Variants in CARD10 observed in about 807,000 individuals in gnomAD.
The protein encoded by CARD10 is caspase recruitment domain family member 10.
A neutral mutation model predicts 114.6 loss-of-function variants in CARD10; 49 were observed. That is an observed-to-expected ratio of 0.43 (90% CI 0.34 to 0.54). CARD10 has a LOEUF of 0.54. Among genes scored for constraint, CARD10 ranks in the 20% least tolerant of loss-of-function variants. The pLI, the probability that CARD10 is intolerant of heterozygous loss-of-function variation, is 0.03. For missense variants in CARD10, 1,206 were observed against 1,397.2 expected (o/e 0.86, Z 2.18); for synonymous variants, 602 against 593.2 (o/e 1.01, Z -0.21).
rs774117658 is a variant in CARD10, at chr22:37,492,367, A to G, written c.2751+68T>C. ...GCCCGCGCTCAGACGCTGGCGCTCA[A>G]GCCCAGAACAGCAGCACCCGCTCTG... On this transcript the variant is annotated intron_variant, in intron 18 of 19. Coordinates refer to ENST00000251973, the MANE Select transcript of CARD10 (RefSeq NM_014550.4). The surrounding 1 kb of genome is among the most constrained non-coding windows in gnomAD (Gnocchi z 5.7). 14 of 1,213,454 alleles carry G rather than the reference A, an allele frequency of 1.2e-5. No individual in the cohort carries two copies. Among genetic ancestry groups the G allele is most frequent in the Non-Finnish European group, 1.6e-5 (14 of 874,368 alleles). The allele number at this position is 1,213,454 out of a possible 1,614,324, so 75.2% of individuals were successfully genotyped here. A position where few individuals can be genotyped will look rare whatever the true frequency, so the allele number is the denominator to read the frequency against.
intron 9 of CARD10, among the ~76,000 whole-genome samples, 158 bp from the exon 10 acceptor site, chr22:37,503,371 C>T (rs994624558): frequency 6.6e-6 from 1 of 152,180 alleles, no homozygotes. Context: ...GGCACCCATG[C>T]CACCTGGCTC....
At chr22:37,499,778 G>A (rs1437073412) in intron 11 of CARD10, among the ~76,000 whole-genome samples, 3 of 152,138 alleles carry the variant, frequency 2.0e-5, no homozygotes, top group South Asian at 2.1e-4. Flanking sequence ...GCCCAGAGCA[G>A]GGTCCAGATA....
At position 37,519,158 on chromosome 22, in the gene CARD10, C is replaced by T. The variant is rs925303442; in HGVS notation, c.43G>A (p.Gly15Arg). 3.9e-6 allele frequency: 6 copies of T among 1,540,690 alleles called. No individual in the cohort carries two copies. The highest frequency in any genetic ancestry group is 1.9e-5 in the Admixed American group (1 of 52,026). ...TCCGCCTCAGACCCCGAGCCGGCCCCGGCCTCCTCCTCGGCCTCCCCCGCC... is the reference window on the plus strand; with the variant it reads ...TCCGCCTCAGACCCCGAGCCGGCCCTGGCCTCCTCCTCGGCCTCCCCCGCC... The part of the protein sequence containing the change: ...AEAGEAEEEA[G>R]AGSGSEAEED... Residue 15 changes from glycine to arginine, a missense_variant, in exon 1 of 20, where the codon GGG becomes AGG. Physicochemically the swap from Gly to Arg is moderately radical, Grantham distance 125. This residue lies in a region of CARD10 where 138 missense variants were observed against 218.0 expected (regional missense o/e 0.63). Transcript: ENST00000251973. This position sits in a 1 kb window ranked among gnomAD's most constrained non-coding sequence, Gnocchi z 4.1.
At chr22:37,511,668 G>A (rs1180987290) in intron 3 of CARD10, among the ~76,000 whole-genome samples, 1 of 151,860 alleles carries the variant, frequency 6.6e-6, no homozygotes, top group African/African-American at 2.4e-5. Context: ...GGAGAGGAGA[G>A]GGCAATGGTT....
chr22:37,491,810 T>A lies in CARD10; in HGVS notation c.2809A>T (p.Ile937Phe). Residue 937 changes from isoleucine to phenylalanine, a missense_variant, in exon 19 of 20, where the codon ATC becomes TTC. Ile to Phe is a conservative substitution (Grantham distance 21). Around this residue, in one of 2 missense-constraint regions of CARD10, gnomAD observed 1,068 missense variants for 1,179.1 expected, o/e 0.91. Coordinates refer to ENST00000251973, the MANE Select transcript of CARD10 (RefSeq NM_014550.4). ...RGVRELVQNE[I>F]YPIVIHVEVT... ...TCCACGTGGATGACGATGGGGTAGA[T>A]CTCGTTCTGCACCAGCTCCCGCACA... 2 of 1,604,158 alleles carry A rather than the reference T, an allele frequency of 1.2e-6. No individual in the cohort carries two copies. The highest frequency in any genetic ancestry group is 1.7e-6 in the Non-Finnish European group (2 of 1,177,098).
chr22:37,500,662 G>A (rs960787641), intron 11 of CARD10, among the ~76,000 whole-genome samples: 1 of 152,200 alleles, frequency 6.6e-6, no homozygotes, highest in Non-Finnish European at 1.5e-5. Flanking sequence ...TCCAACAGCT[G>A]AGACAGTGGG....
intron 11 of CARD10, among the ~76,000 whole-genome samples, chr22:37,498,916 G>A (rs949713804): frequency 3.7e-4 from 48 of 130,780 alleles, no homozygotes; most frequent in Non-Finnish European, 5.5e-4. Flanking sequence ...GGGGGGGGGG[G>A]GCACATGAAT....
intron 16 of CARD10, among the ~76,000 whole-genome samples, chr22:37,493,850 G>C (rs991042445): frequency 9.8e-5 from 15 of 152,306 alleles, no homozygotes; most frequent in African/African-American, 3.6e-4. Flanking sequence ...CAAACCCACA[G>C]TCACAGCCAC....
rs1170276425 is a variant in CARD10 at position 37,508,587 on chromosome 22, C to G, written c.1005G>C (p.Leu335=). 6.3e-7 allele frequency: 1 copy of G among 1,593,598 alleles called. No homozygotes were observed. The highest frequency in any genetic ancestry group is 1.3e-5 in the African/African-American group (1 of 74,806). Residue 335 remains leucine (L), a synonymous_variant, in exon 5 of 20, where the codon CTG becomes CTC. Coordinates refer to ENST00000251973, the MANE Select transcript of CARD10 (RefSeq NM_014550.4). ...CCTGCACGGCATGCAGCTTCTGGCA[C>G]AGCTCCTGCCTGCTGTCCTGCGCCT... ...WREAQDSRQE[L]CQKLHAVQGE...
At chr22:37,499,996 GTCTGCCAGC>G (rs1233995081) in intron 11 of CARD10, among the ~76,000 whole-genome samples, 1 of 152,220 alleles carries the variant, frequency 6.6e-6, no homozygotes, top group Non-Finnish European at 1.5e-5. Flanking sequence ...AACGGGGCAA[GTCTGCCAGC>G]TCTGCCAGCT....
chr22:37,512,527 G>A (rs987162650), intron 3 of CARD10, among the ~76,000 whole-genome samples: 10 of 145,490 alleles, frequency 6.9e-5, no homozygotes, highest in African/African-American at 2.3e-4. Context: ...ACACGGGTCT[G>A]GAGGCTGGGT....
At chr22:37,493,831 G>T (rs1922893987) in intron 16 of CARD10, among the ~76,000 whole-genome samples, 1 of 152,182 alleles carries the variant, frequency 6.6e-6, no homozygotes. Flanking sequence ...GAACAAGCCA[G>T]TATGTGTGCA....
intron 11 of CARD10, among the ~76,000 whole-genome samples, chr22:37,499,021 C>T (rs1048378084): frequency 2.0e-5 from 3 of 151,946 alleles, no homozygotes; most frequent in African/African-American, 4.8e-5. Context: ...CACTGGGTTG[C>T]GACTGGGACA....
intron 6 of CARD10, among the ~76,000 whole-genome samples, chr22:37,506,879 C>A (rs2145766471): frequency 6.6e-6 from 1 of 152,356 alleles, no homozygotes; most frequent in East Asian, 1.9e-4. Context: ...CCATAAAATG[C>A]AGATTCCTGG....
intron 7 of CARD10, 145 bp from the exon 8 acceptor site, chr22:37,504,914 T>A: frequency 2.3e-6 from 1 of 432,232 alleles, no homozygotes; most frequent in Non-Finnish European, 4.1e-6. Context: ...AGATAAACTG[T>A]AAACCAGCAG....
Position 37,503,198 on chromosome 22 carries a change from C to T in CARD10, c.1650G>A (p.Met550Ile). 1 of 1,611,490 alleles carries T rather than the reference C, an allele frequency of 6.2e-7. No individual in the cohort carries two copies. Among genetic ancestry groups the T allele is most frequent in the Non-Finnish European group, 8.5e-7 (1 of 1,178,990 alleles). The change falls in exon 10 of 20, where the codon ATG becomes ATA. Residue 550 changes from methionine to isoleucine, a missense_variant. Physicochemically the swap from Met to Ile is conservative, Grantham distance 10. This residue lies in a region of CARD10 where 1,068 missense variants were observed against 1,179.1 expected (regional missense o/e 0.91). Coordinates refer to ENST00000251973, the MANE Select transcript of CARD10 (RefSeq NM_014550.4). ...PAPPKRSFSS[M>I]SDITGSVTLK... ...AAGGGCTGTTACCTGTGATGTCTGA[C>T]ATGCTGCTGAAGGATCTGGGCAGAG...
chr22:37,517,326 T>C (rs535408832), intron 2 of CARD10, among the ~76,000 whole-genome samples: 1 of 152,260 alleles, frequency 6.6e-6, no homozygotes, highest in South Asian at 2.1e-4. Context: ...CGTGTGTGTA[T>C]GTGTTTGTGT....
At chr22:37,507,752 C>T (rs2145767382) in intron 6 of CARD10, 77 bp downstream of exon 6, 3 of 1,558,166 alleles carry the variant, frequency 1.9e-6, no homozygotes, top group Non-Finnish European at 2.7e-6. Context: ...ATTCTAGTCC[C>T]CTCCATTGCT....
Position 37,508,610 on chromosome 22 carries a change from C to A in CARD10, c.982G>T (p.Ala328Ser). Residue 328 changes from alanine (A) to serine (S), a missense_variant, in exon 5 of 20, where the codon GCG (alanine) becomes TCG (serine). By Grantham distance (99) the Ala-to-Ser change is moderately conservative. Around this residue, in one of 2 missense-constraint regions of CARD10, gnomAD observed 1,068 missense variants for 1,179.1 expected, o/e 0.91. Transcript: ENST00000251973. ...CACAGCTCCTGCCTGCTGTCCTGCG[C>A]CTCCCGCCAGTCATGCTCTAGGATG... ...LDILEHDWRE[A>S]QDSRQELCQK... 6.3e-7 allele frequency: 1 copy of A among 1,583,368 alleles called. No individual in the cohort carries two copies.
Sources: allele counts gnomAD v4.1 joint callset (sites outside exome capture counted in the v4.1 genomes callset), GRCh38; gene constraint gnomAD v4.1.1; regional missense constraint gnomAD v4.1.1; non-coding constraint Gnocchi (gnomAD v3.1); transcripts MANE v1.5; gene names NCBI Gene and HGNC (gene_info 2026-07-23, HGNC 2026-07-21).